Variants in METTL15 observed in about 807,000 individuals in gnomAD.
METTL15 encodes methyltransferase 15, mitochondrial 12S rRNA N4-cytidine, also known as 12S rRNA N(4)-cytidine methyltransferase METTL15.
Under a neutral mutation model 38.3 loss-of-function variants are expected in METTL15, and 34 were observed. The ratio of observed to expected loss-of-function variants is 0.89; its 90% confidence interval spans 0.68 to 1.18. The LOEUF (loss-of-function observed/expected upper bound fraction) is 1.18. Among genes scored for constraint, METTL15 ranks in the 50% most tolerant of loss-of-function variants. The pLI, the probability that METTL15 is intolerant of heterozygous loss-of-function variation, is 0.00. For synonymous variants in METTL15, 162 were observed against 170.9 expected (o/e 0.95, Z 0.41); for missense variants, 438 against 498.4 (o/e 0.88, Z 1.15).
At chr11:28,404,976 A>G (rs1850661999) in intron 5 of METTL15, among the ~76,000 whole-genome samples, 1 of 152,168 alleles carries the variant, frequency 6.6e-6, no homozygotes, top group Non-Finnish European at 1.5e-5. Flanking sequence ...AAGACTGATT[A>G]GATCTTCTTC....
At chr11:28,127,662 G>C (rs1326094708) in intron 3 of METTL15, among the ~76,000 whole-genome samples, 2 of 152,038 alleles carry the variant, frequency 1.3e-5, no homozygotes, top group African/African-American at 4.8e-5. Context: ...TATCTGTAAA[G>C]TGACTTTAAT....
intron 6 of METTL15, among the ~76,000 whole-genome samples, chr11:28,447,967 T>G (rs577197820): frequency 6.6e-6 from 1 of 152,154 alleles, no homozygotes; most frequent in Non-Finnish European, 1.5e-5. Context: ...TCTTGGAATT[T>G]GTGTCACAGA....
intron 6 of METTL15, among the ~76,000 whole-genome samples, chr11:28,471,227 A>G (rs956025525): frequency 6.6e-6 from 1 of 152,092 alleles, no homozygotes; most frequent in Non-Finnish European, 1.5e-5. Flanking sequence ...CAAGGTGGAA[A>G]CTGCAAGACT....
chr11:28,239,416 T>C (rs1373966978), intron 4 of METTL15, among the ~76,000 whole-genome samples: 1 of 152,212 alleles, frequency 6.6e-6, no homozygotes, highest in African/African-American at 2.4e-5. Flanking sequence ...CTTCAAGGTG[T>C]ATATGAAATT....
At chr11:28,350,565 T>C (rs1215867258) in intron 3 of METTL15, among the ~76,000 whole-genome samples, 1 of 152,224 alleles carries the variant, frequency 6.6e-6, no homozygotes, top group African/African-American at 2.4e-5. Context: ...GACTTTTGGA[T>C]AAGAGCCTGG....
intron 3 of METTL15, among the ~76,000 whole-genome samples, chr11:28,168,586 T>C (rs1445293757): frequency 6.6e-6 from 1 of 151,078 alleles, no homozygotes; most frequent in Non-Finnish European, 1.5e-5. Flanking sequence ...CATTTAACAT[T>C]AGATATATCT....
intron 3 of METTL15, among the ~76,000 whole-genome samples, chr11:28,171,891 A>G (rs1305403583): frequency 3.3e-5 from 5 of 151,770 alleles, no homozygotes; most frequent in African/African-American, 9.7e-5. Flanking sequence ...TCCTGGGCTC[A>G]GGTGATCCTC....
At chr11:28,401,421 T>C (rs1850629447) in intron 5 of METTL15, among the ~76,000 whole-genome samples, 1 of 152,052 alleles carries the variant, frequency 6.6e-6, no homozygotes, top group South Asian at 2.1e-4. Context: ...TAGAGAACTT[T>C]CTGGTCTTCT....
chr11:28,322,873 A>G (rs1320604015), intron 6 of METTL15, among the ~76,000 whole-genome samples: 1 of 152,200 alleles, frequency 6.6e-6, no homozygotes, highest in Non-Finnish European at 1.5e-5. Context: ...CTTATTTACT[A>G]TTGTGTTTCC....
At chr11:28,172,743 GTT>G (rs1850904173) in intron 3 of METTL15, among the ~76,000 whole-genome samples, 1 of 152,136 alleles carries the variant, frequency 6.6e-6, no homozygotes, top group Non-Finnish European at 1.5e-5. Context: ...GCTGAGAACA[GTT>G]TTTGTATTCT....
At chr11:28,423,467 G>GA (rs1400450444) in intron 5 of METTL15, among the ~76,000 whole-genome samples, 1 of 151,894 alleles carries the variant, frequency 6.6e-6, no homozygotes, top group Admixed American at 6.6e-5. Context: ...TCCATCAACA[G>GA]ACAAATGAAT....
intron 5 of METTL15, among the ~76,000 whole-genome samples, chr11:28,369,313 T>C (rs1225599510): frequency 2.0e-5 from 3 of 151,990 alleles, no homozygotes; most frequent in Admixed American, 6.6e-5. Context: ...TGGGACACTA[T>C]CAAGTGGACC....
chr11:28,436,074 C>A (rs186349726), intron 6 of METTL15, among the ~76,000 whole-genome samples: 151 of 152,328 alleles, frequency 9.9e-4, no homozygotes, highest in African/African-American at 1.9e-3. Flanking sequence ...GCACTTTCAA[C>A]ATCCTGCATG....
intron 6 of METTL15, among the ~76,000 whole-genome samples, chr11:28,432,546 C>T (rs913426512): frequency 4.6e-5 from 7 of 152,104 alleles, no homozygotes; most frequent in African/African-American, 7.2e-5. Context: ...TCTGTTTGCC[C>T]GATATAGAAA....
intron 6 of METTL15, among the ~76,000 whole-genome samples, chr11:28,298,008 A>G (rs1197358115): frequency 6.6e-6 from 1 of 152,080 alleles, no homozygotes; most frequent in Non-Finnish European, 1.5e-5. Context: ...CTTAGTTATT[A>G]TAATGAAATA....
intron 4 of METTL15, among the ~76,000 whole-genome samples, chr11:28,244,994 C>T (rs576032321): frequency 6.6e-6 from 1 of 152,138 alleles, no homozygotes; most frequent in Non-Finnish European, 1.5e-5. Flanking sequence ...AAATACAAAG[C>T]AGAGCAGGAA....
rs562958728 is a variant in METTL15 at position 28,461,191 on chromosome 11, A to G, written c.*424+36827A>G. ...ATTAGATAAGACAAACATGAATCCAATTCCATTTATTTCTTCCTCGTTTTG... is the reference window on the plus strand; with the variant it reads ...ATTAGATAAGACAAACATGAATCCAGTTCCATTTATTTCTTCCTCGTTTTG... On this transcript the variant is annotated intron_variant and NMD_transcript_variant, in intron 6 of 7. Coordinates refer to the METTL15 transcript ENST00000532947. Among the ~76,000 whole-genome samples, 24 of 152,192 alleles carry G rather than the reference A, an allele frequency of 1.6e-4. No individual in the cohort carries two copies. The South Asian group carries it at 1.9e-3, about 12-fold the overall frequency.
intron 6 of METTL15, among the ~76,000 whole-genome samples, chr11:28,515,304 G>A (rs368725265): frequency 2.6e-5 from 4 of 152,164 alleles, no homozygotes; most frequent in East Asian, 3.9e-4. Context: ...CTAGTATCAT[G>A]TATTAGTAAA....
Position 28,330,392 on chromosome 11 carries a change from T to C in METTL15, c.779-4T>C. On this transcript the variant is annotated splice_polypyrimidine_tract_variant and splice_region_variant and intron_variant, in intron 6 of 6. Transcript: ENST00000407364. ...TTTTCCTATCTTTACAACATTTGTT[T>C]TAGGAGCATTTCCTCCCTCTGCTAT... 6.5e-7 allele frequency: 1 copy of C among 1,533,456 alleles called. No individual in the cohort carries two copies. Among genetic ancestry groups the C allele is most frequent in the South Asian group, 1.2e-5 (1 of 80,428 alleles). The allele number at this position is 1,533,456 out of a possible 1,614,324, so 95.0% of individuals were successfully genotyped here. A position where few individuals can be genotyped will look rare whatever the true frequency, so the allele number is the denominator to read the frequency against.
Sources: gnomAD v4.1 joint callset for allele counts (sites outside exome capture counted in the v4.1 genomes callset) on GRCh38, gnomAD v4.1.1 for gene constraint, MANE v1.5 for transcripts, NCBI Gene and HGNC (gene_info 2026-07-23, HGNC 2026-07-21) for gene names.